Variants in KSR2 observed in about 807,000 individuals in gnomAD.
KSR2 encodes the protein kinase suppressor of ras 2.
A neutral mutation model predicts 107.8 loss-of-function variants in KSR2; 25 were observed. The ratio of observed to expected loss-of-function variants is 0.23; its 90% CI spans 0.17 to 0.32. The LOEUF (loss-of-function observed/expected upper bound fraction) is 0.32. Ranked by LOEUF, KSR2 falls within the 10% of genes least tolerant of loss-of-function variation. The pLI is 1.00. For missense variants in KSR2, 887 were observed against 1,268.9 expected, an observed-to-expected ratio of 0.70 and a Z score of 4.57; for synonymous variants, 480 against 507.0, an observed-to-expected ratio of 0.95 and a Z score of 0.71.
intron 4 of KSR2, among the ~76,000 whole-genome samples, chr12:117,733,427 A>G (rs528796607): frequency 6.6e-6 from 1 of 152,324 alleles, no homozygotes; most frequent in South Asian, 2.1e-4. Flanking sequence ...ATCTTAGATC[A>G]GGGGTCAGCG....
rs557741975 is a variant in KSR2, at chr12:117,568,062, T to C, written c.1326-9489A>G. On this transcript the variant is annotated intron_variant, in intron 7 of 19. Coordinates refer to ENST00000339824, the MANE Select transcript of KSR2 (RefSeq NM_173598.6). ...AAGGGCGGTAGGAAGTATTGACATA[T>C]AAATCAGACCTCGGGTTCCAAGGAC... is the stretch of plus-strand genomic sequence containing the variant. Among the ~76,000 whole-genome samples, 9 of 152,268 alleles carry C rather than the reference T, an allele frequency of 5.9e-5. No individual in the cohort carries two copies. In the South Asian group the frequency reaches 1.2e-3, roughly 21 times the overall value.
At chr12:117,479,681 C>T (rs1004266258) in intron 16 of KSR2, among the ~76,000 whole-genome samples, 3 of 152,214 alleles carry the variant, frequency 2.0e-5, no homozygotes, top group Non-Finnish European at 4.4e-5. Flanking sequence ...CTCAGTGTTT[C>T]AGGATTAATA....
chr12:117,475,014 C>A (rs953291967), intron 17 of KSR2, among the ~76,000 whole-genome samples: 1 of 152,162 alleles, frequency 6.6e-6, no homozygotes, highest in Non-Finnish European at 1.5e-5. Flanking sequence ...GCTTCCACCT[C>A]CTCTGGGTGC....
In KSR2 at chr12:117,530,979, C is replaced by T. The variant is rs375966986; in HGVS notation, c.1764G>A (p.Ala588=). 2.5e-4 allele frequency: 400 copies of T among 1,613,468 alleles called. No homozygotes were observed. The highest frequency in any genetic ancestry group is 4.2e-4 in the East Asian group (19 of 44,878). The change falls in exon 12 of 20, where the codon GCG becomes GCA. Residue 588 remains alanine, a synonymous_variant. Coordinates refer to ENST00000339824, the MANE Select transcript of KSR2 (RefSeq NM_173598.6). ...TCACCGGATGCAGGATGACCTGGGG[C>T]GCCCGGGTCGGCGTCTCCGGCACCG... ...VVPVPETPTR[A]PQVILHPVTS...
intron 9 of KSR2, among the ~76,000 whole-genome samples, 151 bp from the exon 10 acceptor site, chr12:117,540,038 C>T (rs1381923626): frequency 2.0e-5 from 3 of 152,130 alleles, no homozygotes; most frequent in South Asian, 2.1e-4. Flanking sequence ...AAGTCCCTCC[C>T]GCTTCATCAG....
At chr12:117,874,383 T>G (rs942912804) in intron 1 of KSR2, among the ~76,000 whole-genome samples, 2 of 152,074 alleles carry the variant, frequency 1.3e-5, no homozygotes, top group African/African-American at 4.8e-5. Context: ...CAAGCGTGTG[T>G]CACCACACCC....
chr12:117,528,000 G>A (rs925602704), intron 12 of KSR2, among the ~76,000 whole-genome samples: 10 of 140,258 alleles, frequency 7.1e-5, no homozygotes, highest in African/African-American at 2.7e-4. Flanking sequence ...TGTGTGTGAT[G>A]CATTCATAAG....
At chr12:117,531,840 TC>T in intron 10 of KSR2, 133 bp from the exon 11 acceptor site, 1 of 595,744 alleles carries the variant, frequency 1.7e-6, no homozygotes, top group South Asian at 2.4e-5. Context: ...TCTGCAGACA[TC>T]CCTGCAGACA....
chr12:117,749,449 T>C (rs1888535735), intron 4 of KSR2, among the ~76,000 whole-genome samples: 3 of 150,088 alleles, frequency 2.0e-5, no homozygotes, highest in African/African-American at 4.9e-5. Context: ...AGGCAGGCAC[T>C]AGGTAAGTCA....
chr12:117,951,500 G>A (rs533045506), intron 1 of KSR2, among the ~76,000 whole-genome samples: 1 of 152,228 alleles, frequency 6.6e-6, no homozygotes, highest in Admixed American at 6.5e-5. Flanking sequence ...TCGTGGGTGG[G>A]CACACAGAGA....
At chr12:117,637,033 A>G (rs976512863) in intron 5 of KSR2, among the ~76,000 whole-genome samples, 11 of 152,234 alleles carry the variant, frequency 7.2e-5, no homozygotes, top group Non-Finnish European at 1.3e-4. Flanking sequence ...TAAGAAGACT[A>G]TAAACTTGGG....
At chr12:117,583,666 C>T (rs532336064) in intron 5 of KSR2, among the ~76,000 whole-genome samples, 5 of 152,154 alleles carry the variant, frequency 3.3e-5, no homozygotes, top group Non-Finnish European at 7.3e-5. Flanking sequence ...CCCAAAGACC[C>T]TGTGCACCAG....
chr12:117,812,706 T>C (rs1024319925), intron 3 of KSR2, among the ~76,000 whole-genome samples: 5 of 151,906 alleles, frequency 3.3e-5, no homozygotes, highest in Non-Finnish European at 5.9e-5. Flanking sequence ...AAAATTAATA[T>C]TGTTAAAATG....
chr12:117,906,353 CA>C (rs57733205), intron 1 of KSR2, among the ~76,000 whole-genome samples: 10,873 of 58,200 alleles, frequency 0.19, 323 homozygotes, highest in East Asian at 0.32. Flanking sequence ...AACTCTGTCT[CA>C]AAAAAAAAAA....
At position 117,558,511 on chromosome 12, in the gene KSR2, C is replaced by T. The variant is rs778643385; in HGVS notation, c.1388G>A (p.Arg463Gln). Residue 463 changes from arginine (R) to glutamine (Q), a missense_variant, in exon 8 of 20, where the codon CGA (arginine) becomes CAA (glutamine). Transcript: ENST00000339824. ...AGTAAGTGTTAAATAGTTACCTCCT[C>T]GGTGGATGATCAGAAGATGACAGGG... The part of the protein sequence containing the change: ...APPCHLLIIH[R>Q]GDPARLVRTE... The T allele has an allele frequency of 2.3e-5, 37 of 1,613,618 alleles. No individual in the cohort carries two copies. In the Middle Eastern group the frequency reaches 4.9e-4, roughly 22 times the overall value.
intron 4 of KSR2, among the ~76,000 whole-genome samples, chr12:117,718,095 T>C (rs1887067200): frequency 6.6e-6 from 1 of 152,196 alleles, no homozygotes; most frequent in African/African-American, 2.4e-5. Flanking sequence ...CCAGTTTAAG[T>C]TGAGATTTAA....
intron 12 of KSR2, among the ~76,000 whole-genome samples, chr12:117,528,707 G>C (rs1219839862): frequency 6.6e-6 from 1 of 152,212 alleles, no homozygotes; most frequent in African/African-American, 2.4e-5. Context: ...TTGATGCCCT[G>C]GGGGAGACTT....
At chr12:117,733,437 G>A (rs56271443) in intron 4 of KSR2, among the ~76,000 whole-genome samples, 1,595 of 152,206 alleles carry the variant, frequency 0.01, 28 homozygotes, top group African/African-American at 0.035. Context: ...AGGGGTCAGC[G>A]TATTTCAGCC....
At chr12:117,674,867 C>T (rs184584967) in intron 4 of KSR2, among the ~76,000 whole-genome samples, 1 of 152,170 alleles carries the variant, frequency 6.6e-6, no homozygotes, top group African/African-American at 2.4e-5. Context: ...TCCTAGGACC[C>T]TCCACACCTA....
Sources: allele counts gnomAD v4.1 joint callset (sites outside exome capture counted in the v4.1 genomes callset), GRCh38; gene constraint gnomAD v4.1.1; transcripts MANE v1.5; gene names NCBI Gene and HGNC (gene_info 2026-07-23, HGNC 2026-07-21).